The following GPC5 variants were observed in gnomAD, a reference collection of about 807,000 sequenced individuals.
GPC5 encodes the protein glypican-5.
A neutral mutation model predicts 53.9 loss-of-function variants in GPC5; 47 were observed. That is an observed-to-expected ratio of 0.87 (90% CI 0.69 to 1.11). The LOEUF (loss-of-function observed/expected upper bound fraction) is 1.11, where lower values mean the gene tolerates loss of function less well. GPC5 is among the 50% of genes most tolerant of loss of function. The pLI, the probability that GPC5 is intolerant of heterozygous loss-of-function variation, is 0.00. For missense variants in GPC5, 748 were observed against 713.1 expected (o/e 1.05, Z -0.56); for synonymous variants, 286 against 263.3 (o/e 1.09, Z -0.84).
At chr13:92,148,513 G>A (rs2041884375) in intron 7 of GPC5, among the ~76,000 whole-genome samples, 3 of 152,078 alleles carry the variant, frequency 2.0e-5, no homozygotes, top group African/African-American at 7.2e-5. Flanking sequence ...AAAGAAAGAA[G>A]CCATCTATAC....
chr13:92,495,578 C>T (rs1470480516), intron 7 of GPC5, among the ~76,000 whole-genome samples: 1 of 151,744 alleles, frequency 6.6e-6, no homozygotes, highest in Non-Finnish European at 1.5e-5. Flanking sequence ...AACTCCATAA[C>T]CCAGAAAAAT....
At chr13:91,497,147 A>T (rs1041748810) in intron 2 of GPC5, among the ~76,000 whole-genome samples, 1 of 152,104 alleles carries the variant, frequency 6.6e-6, no homozygotes, top group Admixed American at 6.5e-5. Flanking sequence ...ATTAAGAAAG[A>T]TGTATGACCA....
intron 7 of GPC5, among the ~76,000 whole-genome samples, chr13:92,547,923 G>A (rs577198166): frequency 1.6e-4 from 23 of 140,660 alleles, no homozygotes; most frequent in African/African-American, 5.6e-4. Context: ...TCCGCCTCCC[G>A]GGTTCACACC....
chr13:91,874,237 AT>A (rs1168520366), intron 5 of GPC5, among the ~76,000 whole-genome samples: 2 of 152,122 alleles, frequency 1.3e-5, no homozygotes, highest in Non-Finnish European at 2.9e-5. Flanking sequence ...TGTGTGGACG[AT>A]TAATTTTATA....
At chr13:92,315,293 T>A (rs7994032) in intron 7 of GPC5, among the ~76,000 whole-genome samples, 62,129 of 151,930 alleles carry the variant, frequency 0.41, 13,898 homozygotes, top group African/African-American at 0.6. Flanking sequence ...GGAGGTTTTC[T>A]GGGAGATTCG....
chr13:92,761,440 C>T (rs1309311918), intron 7 of GPC5, among the ~76,000 whole-genome samples: 1 of 152,090 alleles, frequency 6.6e-6, no homozygotes, highest in East Asian at 1.9e-4. Context: ...TAAATAATGA[C>T]CTGTTACGTT....
intron 7 of GPC5, among the ~76,000 whole-genome samples, chr13:92,715,918 T>C (rs779077406): frequency 1.1e-4 from 16 of 152,208 alleles, no homozygotes; most frequent in Non-Finnish European, 2.2e-4. Flanking sequence ...AATCTAGTTT[T>C]TGAAGATTCT....
intron 6 of GPC5, among the ~76,000 whole-genome samples, chr13:92,069,608 T>C (rs2041194997): frequency 6.6e-6 from 1 of 152,168 alleles, no homozygotes; most frequent in Admixed American, 6.5e-5. Flanking sequence ...GTACTACTAT[T>C]GAACATGCCA....
chr13:91,446,665 G>A (rs1880829099), intron 1 of GPC5, among the ~76,000 whole-genome samples: 2 of 152,142 alleles, frequency 1.3e-5, no homozygotes, highest in African/African-American at 4.8e-5. Flanking sequence ...TGCCCTTTGT[G>A]CTGATACTGT....
At chr13:92,068,288 T>G (rs2041182850) in intron 6 of GPC5, among the ~76,000 whole-genome samples, 1 of 151,894 alleles carries the variant, frequency 6.6e-6, no homozygotes, top group African/African-American at 2.4e-5. Flanking sequence ...ATATTGATTC[T>G]AAATGATATA....
At chr13:91,831,870 T>A (rs527435985) in intron 5 of GPC5, among the ~76,000 whole-genome samples, 1 of 152,178 alleles carries the variant, frequency 6.6e-6, no homozygotes, top group Admixed American at 6.6e-5. Context: ...AGGAGTGCTT[T>A]ACTTCCAATG....
rs74775159 is a variant in GPC5 at position 92,740,076 on chromosome 13, T to A, written c.1562-126206T>A. ...ATAACCTTCCTTCCCTATCCTCTTC[T>A]CCTCCAGTTGTATTGGTCCTTTGCT... is the stretch of plus-strand genomic sequence containing the variant. On this transcript the variant is annotated intron_variant, in intron 7 of 7. Coordinates refer to ENST00000377067, the MANE Select transcript of GPC5 (RefSeq NM_004466.6). Among the ~76,000 whole-genome samples the A allele has an allele frequency of 6.4e-3, 975 of 151,982 alleles. 10 individuals are homozygous for A. Among genetic ancestry groups the A allele is most frequent in the African/African-American group, 0.023 (934 of 41,482 alleles).
chr13:92,071,156 A>G (rs1278538938), intron 6 of GPC5, among the ~76,000 whole-genome samples: 1 of 152,136 alleles, frequency 6.6e-6, no homozygotes, highest in Non-Finnish European at 1.5e-5. Context: ...GAATTGCTTG[A>G]ACCTGGGAGG....
intron 6 of GPC5, among the ~76,000 whole-genome samples, chr13:92,005,245 G>A (rs2040595783): frequency 6.6e-6 from 1 of 152,190 alleles, no homozygotes; most frequent in Non-Finnish European, 1.5e-5. Flanking sequence ...GGAATGAAAA[G>A]GGAGCCCAAG....
chr13:92,253,776 GA>G (rs2042708124), intron 7 of GPC5, among the ~76,000 whole-genome samples: 1 of 151,710 alleles, frequency 6.6e-6, no homozygotes, highest in Non-Finnish European at 1.5e-5. Flanking sequence ...CAGAGCTGTA[GA>G]AATAAAAAAA....
chr13:92,300,007 TA>T (rs1488148128), intron 7 of GPC5, among the ~76,000 whole-genome samples: 1 of 152,202 alleles, frequency 6.6e-6, no homozygotes, highest in Non-Finnish European at 1.5e-5. Flanking sequence ...TACTGTTTTT[TA>T]AATCAAACTC....
intron 7 of GPC5, among the ~76,000 whole-genome samples, chr13:92,314,667 T>C (rs775478601): frequency 5.9e-5 from 9 of 152,218 alleles, no homozygotes; most frequent in African/African-American, 2.2e-4. Context: ...TACTGCAAGA[T>C]GTAAGGGAAA....
chr13:92,406,920 G>A (rs1460898991), intron 7 of GPC5, among the ~76,000 whole-genome samples: 6 of 152,022 alleles, frequency 3.9e-5, no homozygotes, highest in African/African-American at 1.4e-4. Flanking sequence ...CAATTTACTG[G>A]CCATTATTCA....
intron 6 of GPC5, among the ~76,000 whole-genome samples, chr13:91,912,425 T>C (rs956228992): frequency 6.6e-6 from 1 of 151,910 alleles, no homozygotes; most frequent in African/African-American, 2.4e-5. Flanking sequence ...GGAAATCTGA[T>C]GGAAAAAGTG....
Sources: allele counts gnomAD v4.1 joint callset (sites outside exome capture counted in the v4.1 genomes callset), GRCh38; gene constraint gnomAD v4.1.1; transcripts MANE v1.5; gene names NCBI Gene and HGNC (gene_info 2026-07-23, HGNC 2026-07-21).